GK5: variants seen among roughly 807,000 people sequenced by gnomAD.
The protein encoded by GK5 is ATP:glycerol 3-phosphotransferase 5.
Under a neutral mutation model 77.3 loss-of-function variants are expected in GK5, and 39 were observed. The observed-to-expected ratio is 0.50, with a 90% CI of 0.39 to 0.66. GK5 has a LOEUF of 0.66. GK5 is among the 30% of genes least tolerant of loss of function. The pLI is 0.00. For synonymous variants in GK5, 211 were observed against 208.0 expected (o/e 1.01, Z -0.13); for missense variants, 487 against 633.8 (o/e 0.77, Z 2.49).
intron 15 of GK5, 108 bp downstream of exon 15, chr3:142,170,217 C>G (rs141527705): frequency 8.6e-7 from 1 of 1,162,410 alleles, no homozygotes. Flanking sequence ...GTTTAATGGA[C>G]GCCAAGGCTT....
In GK5 at chr3:142,183,000, C is replaced by A. The variant is rs1201205530; in HGVS notation, c.866G>T (p.Gly289Val). Residue 289 changes from glycine (G) to valine (V), a missense_variant, in exon 10 of 16, where the codon GGT becomes GTT. Around this residue, in one of 4 missense-constraint regions of GK5, gnomAD observed 323 missense variants for 437.4 expected, o/e 0.74. Coordinates refer to ENST00000392993, the MANE Select transcript of GK5 (RefSeq NM_001039547.3). ...AMFGECCFQT[G>V]DVKLTMGTGT... ...AGTTCCCATGGTTAATTTCACATCACCTGTCTGGAAGCAGCACTCTCCAAA... is the reference window on the plus strand; with the variant it reads ...AGTTCCCATGGTTAATTTCACATCAACTGTCTGGAAGCAGCACTCTCCAAA... 2 of 1,613,538 alleles carry A rather than the reference C, an allele frequency of 1.2e-6. No homozygotes were observed. Among genetic ancestry groups the A allele is most frequent in the African/African-American group, 1.3e-5 (1 of 74,894 alleles).
chr3:142,216,695 A>G (rs868782676), intron 1 of GK5, among the ~76,000 whole-genome samples: 2 of 152,142 alleles, frequency 1.3e-5, no homozygotes, highest in South Asian at 4.1e-4. Context: ...AAAAGATACC[A>G]CAGAAAGTTG....
At chr3:142,195,333 TTGTG>T (rs151095141) in intron 5 of GK5, among the ~76,000 whole-genome samples, 7 of 151,638 alleles carry the variant, frequency 4.6e-5, no homozygotes, top group Non-Finnish European at 1.0e-4. Flanking sequence ...TGTTGAAGTT[TTGTG>T]TGTGTGTGTG....
At chr3:142,180,522 G>A (rs947305235) in intron 11 of GK5, among the ~76,000 whole-genome samples, 13 of 151,994 alleles carry the variant, frequency 8.6e-5, no homozygotes, top group African/African-American at 3.1e-4. Context: ...GGCTGATCTC[G>A]AACTCCCAAC....
chr3:142,174,810 C>T (rs1309465393), intron 12 of GK5, among the ~76,000 whole-genome samples: 2 of 152,200 alleles, frequency 1.3e-5, no homozygotes, highest in Non-Finnish European at 2.9e-5. Flanking sequence ...GTGGTCCAAT[C>T]AGATTCTCTG....
intron 4 of GK5, among the ~76,000 whole-genome samples, chr3:142,200,090 TATATA>T (rs1489621807): frequency 1.4e-5 from 2 of 147,026 alleles, no homozygotes; most frequent in Admixed American, 1.3e-4. Context: ...TTTATTTCTA[TATATA>T]TATACACACA....
intron 3 of GK5, among the ~76,000 whole-genome samples, chr3:142,207,305 G>A (rs896407794): frequency 2.0e-5 from 3 of 152,000 alleles, no homozygotes; most frequent in Admixed American, 6.6e-5. Context: ...GCCTCTTTAG[G>A]GTTAAGACAT....
intron 9 of GK5, 73 bp downstream of exon 9, chr3:142,185,856 C>G (rs1335030348): frequency 2.7e-5 from 42 of 1,552,230 alleles, no homozygotes; most frequent in Non-Finnish European, 3.7e-5. Flanking sequence ...TCTCTTAAAG[C>G]TAGTCTCAAT....
chr3:142,168,887 C>T (rs979356685), intron 15 of GK5, among the ~76,000 whole-genome samples: 5 of 152,140 alleles, frequency 3.3e-5, no homozygotes, highest in Non-Finnish European at 7.4e-5. Context: ...TTGATGAATG[C>T]CTTTGCACAA....
At chr3:142,176,589 C>T (rs896267749) in intron 12 of GK5, among the ~76,000 whole-genome samples, 6 of 151,402 alleles carry the variant, frequency 4.0e-5, no homozygotes, top group Non-Finnish European at 7.4e-5. Flanking sequence ...AAGACTTCTC[C>T]TAGGTTCATT....
chr3:142,215,986 A>C (rs1009744218), intron 1 of GK5, among the ~76,000 whole-genome samples: 3 of 152,200 alleles, frequency 2.0e-5, no homozygotes, highest in African/African-American at 7.2e-5. Context: ...GGCTTTTAAA[A>C]AATTAAAAAT....
intron 1 of GK5, among the ~76,000 whole-genome samples, chr3:142,216,255 G>A (rs1026161921): frequency 1.3e-5 from 2 of 152,108 alleles, no homozygotes; most frequent in Non-Finnish European, 2.9e-5. Context: ...CCAGAACTGG[G>A]AGCTAGGGCA....
chr3:142,159,274 G>A lies in GK5; in HGVS notation c.*6348C>T, dbSNP rs1439071893. 1 of 152,196 alleles carries A rather than the reference G, an allele frequency of 6.6e-6. No homozygotes were observed. Among genetic ancestry groups the A allele is most frequent in the East Asian group, 1.9e-4 (1 of 5,190 alleles). The allele number at this position is 152,196 out of a possible 1,614,324, so 9.4% of individuals were successfully genotyped here. On this transcript the variant is annotated 3_prime_UTR_variant, in exon 16 of 16. Coordinates refer to ENST00000392993, the MANE Select transcript of GK5 (RefSeq NM_001039547.3). Reference sequence around the variant, plus strand: ...TCACTCATACATTCCTGGTGGGAATGTAAGATGGTATAGCCAGTCTGGAAA... The same window carrying A: ...TCACTCATACATTCCTGGTGGGAATATAAGATGGTATAGCCAGTCTGGAAA...
intron 1 of GK5, among the ~76,000 whole-genome samples, chr3:142,222,275 C>G (rs1047307150): frequency 4.6e-5 from 7 of 152,146 alleles, no homozygotes; most frequent in Non-Finnish European, 1.5e-5. Context: ...TAAAAAATTT[C>G]TATTCATTGG....
At chr3:142,194,395 G>A (rs985945804) in intron 5 of GK5, among the ~76,000 whole-genome samples, 8 of 151,994 alleles carry the variant, frequency 5.3e-5, no homozygotes, top group Non-Finnish European at 7.4e-5. Context: ...GCGTTGTGGC[G>A]CACGCCTGTA....
intron 5 of GK5, among the ~76,000 whole-genome samples, chr3:142,193,880 A>G (rs749718954): frequency 1.4e-4 from 21 of 152,016 alleles, no homozygotes; most frequent in Non-Finnish European, 1.5e-5. Context: ...AGCTGGGATT[A>G]CAGGAGTCCA....
chr3:142,189,454 T>C (rs926248858), intron 5 of GK5, among the ~76,000 whole-genome samples: 4 of 152,228 alleles, frequency 2.6e-5, no homozygotes, highest in African/African-American at 9.6e-5. Flanking sequence ...CAAACTCTTG[T>C]TAAATTTAGA....
intron 1 of GK5, among the ~76,000 whole-genome samples, chr3:142,220,317 A>G (rs922357295): frequency 6.6e-6 from 1 of 152,096 alleles, no homozygotes; most frequent in African/African-American, 2.4e-5. Context: ...TTGTATTTTT[A>G]GTAGAGACGG....
chr3:142,193,497 CA>C (rs975836020), intron 5 of GK5, among the ~76,000 whole-genome samples: 18 of 133,046 alleles, frequency 1.4e-4, no homozygotes, highest in South Asian at 4.8e-4. Context: ...AAAAAAAAAA[CA>C]AAAAAAAAAG....
Sources: gnomAD v4.1 joint callset for allele counts (sites outside exome capture counted in the v4.1 genomes callset) on GRCh38, gnomAD v4.1.1 for gene constraint, gnomAD v4.1.1 regional missense constraint, MANE v1.5 for transcripts, NCBI Gene and HGNC (gene_info 2026-07-23, HGNC 2026-07-21) for gene names.